Variants in SCFD2 observed in about 807,000 individuals in gnomAD.
SCFD2 encodes the protein sec1 family domain containing 2, also known as sec1 family domain-containing protein 2.
SCFD2 carries 54 observed loss-of-function variants against 58.9 expected under a neutral mutation model. The ratio of observed to expected loss-of-function variants is 0.92; its 90% CI spans 0.74 to 1.15. The LOEUF is 1.15. Ranked by LOEUF, SCFD2 falls within the 50% of genes most tolerant of loss-of-function variation. The pLI, the probability that SCFD2 is intolerant of heterozygous loss-of-function variation, is 0.00. For missense variants in SCFD2, 805 were observed against 836.6 expected, an observed-to-expected ratio of 0.96 and a Z score of 0.47; for synonymous variants, 321 against 335.9, an observed-to-expected ratio of 0.96 and a Z score of 0.49.
intron 4 of SCFD2, among the ~76,000 whole-genome samples, chr4:53,196,836 T>A (rs929164147): frequency 6.6e-6 from 1 of 152,086 alleles, no homozygotes; most frequent in African/African-American, 2.4e-5. Context: ...ATAGTTTTAC[T>A]CAATGCAAAA....
rs17082369 is a variant in SCFD2 at position 53,065,499 on chromosome 4, C to T, written c.1561+79834G>A. ...CTAGCATAGCAAACCGCCAGTAACA[C>T]TCTGGTTCACCTAAAAGAATTTGTT... On this transcript the variant is annotated intron_variant, in intron 5 of 8. Coordinates refer to ENST00000401642, the MANE Select transcript of SCFD2 (RefSeq NM_152540.4). 4.1e-3 allele frequency among the ~76,000 whole-genome samples: 630 copies of T among 152,118 alleles called. 2 individuals are homozygous for T. The highest frequency in any genetic ancestry group is 0.014 in the African/African-American group (594 of 41,526).
At chr4:53,255,910 G>C (rs1351043812) in intron 4 of SCFD2, among the ~76,000 whole-genome samples, 12 of 140,860 alleles carry the variant, frequency 8.5e-5, no homozygotes, top group African/African-American at 2.5e-4. Flanking sequence ...TTCCCAGTAG[G>C]GGCGGCCGGG....
At chr4:53,332,593 T>G (rs181947821) in intron 2 of SCFD2, among the ~76,000 whole-genome samples, 1 of 152,250 alleles carries the variant, frequency 6.6e-6, no homozygotes, top group Non-Finnish European at 1.5e-5. Context: ...TGATGGGATG[T>G]ATCTCAAAAT....
intron 4 of SCFD2, among the ~76,000 whole-genome samples, chr4:53,162,428 T>TA (rs1411564999): frequency 6.6e-6 from 1 of 152,090 alleles, no homozygotes; most frequent in Non-Finnish European, 1.5e-5. Context: ...AAATGGCCAG[T>TA]AAAAAAGGCC....
chr4:52,927,372 G>A (rs540301889), intron 5 of SCFD2, among the ~76,000 whole-genome samples: 2 of 151,788 alleles, frequency 1.3e-5, no homozygotes, highest in Admixed American at 1.3e-4. Flanking sequence ...TACCATGTAA[G>A]ATTTCCGACA....
chr4:52,991,045 G>T (rs1241294637), intron 5 of SCFD2, among the ~76,000 whole-genome samples: 2 of 152,158 alleles, frequency 1.3e-5, no homozygotes, highest in African/African-American at 4.8e-5. Flanking sequence ...AGTAGGACAG[G>T]GAGAGGGAAG....
chr4:53,139,160 C>T (rs1380880905), intron 5 of SCFD2, among the ~76,000 whole-genome samples: 2 of 152,250 alleles, frequency 1.3e-5, no homozygotes, highest in African/African-American at 4.8e-5. Flanking sequence ...CGGAGTCTCG[C>T]TCACTCAGTG....
intron 5 of SCFD2, among the ~76,000 whole-genome samples, chr4:52,960,709 G>C (rs1317887702): frequency 6.7e-6 from 1 of 149,776 alleles, no homozygotes; most frequent in Non-Finnish European, 1.5e-5. Flanking sequence ...TTCTTTCTCT[G>C]ACACACACAC....
intron 5 of SCFD2, among the ~76,000 whole-genome samples, chr4:53,101,081 G>A (rs1388493484): frequency 6.6e-6 from 1 of 152,166 alleles, no homozygotes; most frequent in African/African-American, 2.4e-5. Flanking sequence ...CAGCTTCCAT[G>A]GACAGGGAAG....
At chr4:53,239,064 G>T (rs1365269084) in intron 4 of SCFD2, among the ~76,000 whole-genome samples, 5 of 151,368 alleles carry the variant, frequency 3.3e-5, no homozygotes, top group Admixed American at 3.3e-4. Flanking sequence ...ACTCCAGCCT[G>T]GGCACCATTG....
Position 53,145,332 on chromosome 4 carries a change from C to T in SCFD2, c.1561+1G>A. 6.2e-7 allele frequency: 1 copy of T among 1,613,918 alleles called. No homozygotes were observed. The highest frequency in any genetic ancestry group is 1.3e-5 in the African/African-American group (1 of 75,006). ...GTCCTGTATCTTTGTTAGACACTCA[C>T]CCGTAATTTTTTGCAGCAAAGGTGA... On this transcript the variant is annotated splice_donor_variant, in intron 5 of 8. Coordinates refer to ENST00000401642, the MANE Select transcript of SCFD2 (RefSeq NM_152540.4). LOFTEE classifies it high-confidence loss of function.
intron 5 of SCFD2, among the ~76,000 whole-genome samples, chr4:53,133,278 A>C (rs1167042169): frequency 6.9e-6 from 1 of 145,798 alleles, no homozygotes; most frequent in African/African-American, 2.6e-5. Flanking sequence ...CAGTGAGCCC[A>C]GATCGCGCCA....
At chr4:53,265,454 A>T (rs1730955264) in intron 4 of SCFD2, 1 of 152,158 alleles carries the variant, frequency 6.6e-6, no homozygotes, top group African/African-American at 2.4e-5. Flanking sequence ...CTTTTATTCT[A>T]GATTTTAAAA....
At chr4:53,195,817 G>C (rs2148962097) in intron 4 of SCFD2, among the ~76,000 whole-genome samples, 1 of 152,212 alleles carries the variant, frequency 6.6e-6, no homozygotes. Context: ...ACATTTCTAT[G>C]GCAATTTCCA....
At chr4:53,053,831 A>G (rs1428993700) in intron 5 of SCFD2, among the ~76,000 whole-genome samples, 1 of 152,182 alleles carries the variant, frequency 6.6e-6, no homozygotes, top group East Asian at 1.9e-4. Flanking sequence ...GTAGATGTAT[A>G]TATTTTCAGG....
chr4:52,921,749 G>A (rs992949557), intron 5 of SCFD2, among the ~76,000 whole-genome samples: 3 of 152,052 alleles, frequency 2.0e-5, no homozygotes, highest in African/African-American at 4.8e-5. Flanking sequence ...TGTGTATTCC[G>A]ACTGCTTCCT....
At chr4:53,109,134 G>A (rs139215845) in intron 5 of SCFD2, among the ~76,000 whole-genome samples, 252 of 152,234 alleles carry the variant, frequency 1.7e-3, no homozygotes, top group African/African-American at 5.7e-3. Context: ...TATCTCAACA[G>A]ATACAGAAAA....
chr4:52,989,214 C>T (rs561194801), intron 5 of SCFD2, among the ~76,000 whole-genome samples: 47 of 152,272 alleles, frequency 3.1e-4, no homozygotes, highest in African/African-American at 1.1e-3. Flanking sequence ...GATGATGTCC[C>T]TAGTTCTGTG....
At chr4:53,360,817 A>T (rs1277941419) in intron 1 of SCFD2, among the ~76,000 whole-genome samples, 1 of 152,206 alleles carries the variant, frequency 6.6e-6, no homozygotes, top group Admixed American at 6.5e-5. Context: ...GTTCAATCTC[A>T]TTGCTTTATC....
Sources: gnomAD v4.1 joint callset for allele counts (sites outside exome capture counted in the v4.1 genomes callset) on GRCh38, gnomAD v4.1.1 for gene constraint, MANE v1.5 for transcripts, NCBI Gene and HGNC (gene_info 2026-07-23, HGNC 2026-07-21) for gene names.